Variants in B4GALT5 observed in about 807,000 individuals in gnomAD.
B4GALT5 encodes the protein beta-1,4-galactosyltransferase 5.
A neutral mutation model predicts 45.0 loss-of-function variants in B4GALT5; 11 were observed. The ratio of observed to expected loss-of-function variants is 0.24; its 90% CI spans 0.15 to 0.40. The LOEUF is 0.40. B4GALT5 is among the 10% of genes least tolerant of loss of function. The pLI is 1.00. For synonymous variants in B4GALT5, 185 were observed against 182.9 expected (o/e 1.01, Z -0.09); for missense variants, 337 against 500.2 (o/e 0.67, Z 3.11).
At chr20:49,657,690 G>C (rs1432533591) in intron 1 of B4GALT5, among the ~76,000 whole-genome samples, 1 of 152,134 alleles carries the variant, frequency 6.6e-6, no homozygotes, top group Admixed American at 6.5e-5. Context: ...GGCTAACCTC[G>C]GGACCAGGCC....
At chr20:49,661,906 T>C (rs1288055877) in intron 1 of B4GALT5, among the ~76,000 whole-genome samples, 1 of 152,320 alleles carries the variant, frequency 6.6e-6, no homozygotes, top group East Asian at 1.9e-4. Context: ...GGATCTCTTA[T>C]ATATAACCAT....
At chr20:49,697,575 C>CTTT (rs11475400) in intron 1 of B4GALT5, among the ~76,000 whole-genome samples, 2 of 143,636 alleles carry the variant, frequency 1.4e-5, no homozygotes, top group Non-Finnish European at 3.1e-5. Flanking sequence ...GGGACATGTC[C>CTTT]TTTTTTTTTT....
chr20:49,661,191 G>C (rs1398830597), intron 1 of B4GALT5, among the ~76,000 whole-genome samples: 1 of 152,138 alleles, frequency 6.6e-6, no homozygotes, highest in Non-Finnish European at 1.5e-5. Flanking sequence ...AACCAGAGAG[G>C]TGAACTGAGT....
chr20:49,698,849 A>T (rs2085849970), intron 1 of B4GALT5, among the ~76,000 whole-genome samples: 1 of 152,298 alleles, frequency 6.6e-6, no homozygotes, highest in African/African-American at 2.4e-5. Context: ...TACATCCAAG[A>T]GTATGGAGCA....
chr20:49,704,713 T>C (rs1318974923), intron 1 of B4GALT5, among the ~76,000 whole-genome samples: 1 of 149,434 alleles, frequency 6.7e-6, no homozygotes, highest in Admixed American at 6.6e-5. Context: ...AGCAAGACTC[T>C]GTCTCAAAAA....
intron 1 of B4GALT5, among the ~76,000 whole-genome samples, chr20:49,712,850 G>A (rs1310804820): frequency 2.2e-5 from 2 of 90,114 alleles, no homozygotes; most frequent in African/African-American, 4.8e-5. Context: ...GGGGGGGGGA[G>A]ATGGGGAAGA....
At chr20:49,703,892 A>G (rs77378538) in intron 1 of B4GALT5, among the ~76,000 whole-genome samples, 1 of 35,796 alleles carries the variant, frequency 2.8e-5, no homozygotes, top group Middle Eastern at 0.021. Flanking sequence ...CCATCTCAGG[A>G]AAAAAAAAAA....
chr20:49,709,791 C>T (rs1270202605), intron 1 of B4GALT5, among the ~76,000 whole-genome samples: 1 of 151,450 alleles, frequency 6.6e-6, no homozygotes, highest in Non-Finnish European at 1.5e-5. Context: ...AAAATTCCAA[C>T]GAAGTCGTAT....
chr20:49,662,218 T>C lies in B4GALT5; in HGVS notation c.116-5516A>G, dbSNP rs1260395090. The stretch of plus-strand genomic sequence containing the variant: ...CAGAACCAGAAAAGAAACCATTCCC[T>C]TCCTGACCACTTTTTACAATCTGTA... On this transcript the variant is annotated intron_variant, in intron 1 of 8. Coordinates refer to ENST00000371711, the MANE Select transcript of B4GALT5 (RefSeq NM_004776.4). Among the ~76,000 whole-genome samples the C allele has an allele frequency of 2.6e-5, 4 of 152,144 alleles. No individual in the cohort carries two copies. The South Asian group carries it at 8.3e-4, about 31-fold the overall frequency.
At chr20:49,642,447 G>A (rs2085580941) in intron 5 of B4GALT5, 21 bp downstream of exon 5, 2 of 1,549,156 alleles carry the variant, frequency 1.3e-6, no homozygotes, top group Admixed American at 1.8e-5. Flanking sequence ...AAAAAAGAAA[G>A]GAAAAGAAAG....
intron 1 of B4GALT5, among the ~76,000 whole-genome samples, chr20:49,663,922 T>C (rs2085677851): frequency 6.6e-6 from 1 of 152,084 alleles, no homozygotes; most frequent in African/African-American, 2.4e-5. Context: ...ATTTGGGTCA[T>C]AATCATGACA....
chr20:49,663,675 G>GA (rs869246702), intron 1 of B4GALT5, among the ~76,000 whole-genome samples: 12 of 3,004 alleles, frequency 4.0e-3, no homozygotes, highest in East Asian at 0.016. Context: ...TTCATCTCAA[G>GA]AAAAAAAAAA....
At chr20:49,636,640 T>G (rs555468) in intron 8 of B4GALT5, among the ~76,000 whole-genome samples, 181 bp from the exon 9 acceptor site, 2,273 of 152,256 alleles carry the variant, frequency 0.015, 55 homozygotes, top group African/African-American at 0.052. Flanking sequence ...CAGAAACACC[T>G]CCTGTGTTTC....
chr20:49,708,410 TTC>T (rs2085893956), intron 1 of B4GALT5, among the ~76,000 whole-genome samples: 1 of 152,204 alleles, frequency 6.6e-6, no homozygotes, highest in South Asian at 2.1e-4. Context: ...GTTCTAGTTT[TTC>T]AAAGGGCTTT....
chr20:49,655,185 C>T (rs1011909704), intron 2 of B4GALT5, among the ~76,000 whole-genome samples: 3 of 151,838 alleles, frequency 2.0e-5, no homozygotes, highest in African/African-American at 7.3e-5. Context: ...AATCCCAACA[C>T]TTTGGGAGGC....
intron 1 of B4GALT5, among the ~76,000 whole-genome samples, chr20:49,695,317 G>C (rs1160450345): frequency 6.6e-6 from 1 of 151,804 alleles, no homozygotes; most frequent in Non-Finnish European, 1.5e-5. Flanking sequence ...CACGGAACTG[G>C]TCCCTGGTGC....
intron 3 of B4GALT5, among the ~76,000 whole-genome samples, chr20:49,644,918 T>G (rs1230828353): frequency 1.3e-5 from 2 of 152,138 alleles, no homozygotes; most frequent in Non-Finnish European, 1.5e-5. Flanking sequence ...TTGATCTCAC[T>G]TCTTAAAAAA....
rs373336354 is a variant in B4GALT5 at position 49,646,927 on chromosome 20, T to C, written c.364+38A>G. On this transcript the variant is annotated intron_variant, in intron 3 of 8. Coordinates refer to ENST00000371711, the MANE Select transcript of B4GALT5 (RefSeq NM_004776.4). Reference sequence around the variant, plus strand: ...CAAGAGTGCCCTCCCCTTTATCCATTTTAAAAGCAGAGGAAGACAGGCCAG... The same window carrying C: ...CAAGAGTGCCCTCCCCTTTATCCATCTTAAAAGCAGAGGAAGACAGGCCAG... 8 of 1,372,944 alleles carry C rather than the reference T, an allele frequency of 5.8e-6. No homozygotes were observed. In the African/African-American group the frequency reaches 1.2e-4, roughly 20 times the overall value. 85.0% of individuals were successfully genotyped at this position (1,372,944 alleles called of 1,614,324 possible). A position where few individuals can be genotyped will look rare whatever the true frequency, so the allele number is the denominator to read the frequency against.
At position 49,636,142 on chromosome 20, in the gene B4GALT5, T is replaced by C. The variant is rs1038230247; in HGVS notation, c.*170A>G. 1.2e-6 allele frequency: 1 copy of C among 819,212 alleles called. No individual in the cohort carries two copies. The highest frequency in any genetic ancestry group is 1.9e-6 in the Non-Finnish European group (1 of 533,256). The allele number at this position is 819,212 out of a possible 1,614,324, so 50.7% of individuals were successfully genotyped here. A position where few individuals can be genotyped will look rare whatever the true frequency, so the allele number is the denominator to read the frequency against. ...CCCTCAGTTCCAGCGGCTGATCCAG[T>C]GAAGGCGTTTGTGCGTGTGCTGTCA... On this transcript the variant is annotated 3_prime_UTR_variant, in exon 9 of 9. Coordinates refer to ENST00000371711, the MANE Select transcript of B4GALT5 (RefSeq NM_004776.4).
Sources: allele counts gnomAD v4.1 joint callset (sites outside exome capture counted in the v4.1 genomes callset), GRCh38; gene constraint gnomAD v4.1.1; transcripts MANE v1.5; gene names NCBI Gene and HGNC (gene_info 2026-07-23, HGNC 2026-07-21).